The following LPAR1 variants were observed in gnomAD, a reference collection of about 807,000 sequenced individuals.
LPAR1 encodes LPA receptor 1.
LPAR1 carries 5 observed loss-of-function variants against 23.8 expected under a neutral mutation model. The ratio of observed to expected loss-of-function variants is 0.21; its 90% CI spans 0.11 to 0.44. LPAR1 has a LOEUF of 0.44. Ranked by LOEUF, LPAR1 falls within the 20% of genes least tolerant of loss-of-function variation. The pLI, the probability that LPAR1 is intolerant of heterozygous loss-of-function variation, is 0.99. For synonymous variants in LPAR1, 160 were observed against 164.7 expected (o/e 0.97, Z 0.22); for missense variants, 311 against 482.8 (o/e 0.64, Z 3.33).
chr9:111,003,823 G>A (rs1489257230), intron 2 of LPAR1, among the ~76,000 whole-genome samples: 3 of 152,154 alleles, frequency 2.0e-5, no homozygotes, highest in Admixed American at 6.5e-5. Context: ...ACCTCCAGCT[G>A]TATCTCAGAT....
intron 4 of LPAR1, among the ~76,000 whole-genome samples, chr9:110,949,095 G>A (rs1309696752): frequency 2.6e-5 from 4 of 152,094 alleles, no homozygotes; most frequent in Non-Finnish European, 5.9e-5. Context: ...ACCCTCAGGA[G>A]AAGAAATTAA....
At chr9:110,963,832 A>T (rs990261900) in intron 4 of LPAR1, among the ~76,000 whole-genome samples, 3 of 152,206 alleles carry the variant, frequency 2.0e-5, no homozygotes, top group African/African-American at 4.8e-5. Context: ...TAGAGATTTT[A>T]AAAAATAAAG....
chr9:110,880,063 T>C (rs1368151347), intron 5 of LPAR1, among the ~76,000 whole-genome samples: 1 of 152,224 alleles, frequency 6.6e-6, no homozygotes, highest in Non-Finnish European at 1.5e-5. Context: ...ATTTGTGTCA[T>C]GGGAAACTGT....
intron 4 of LPAR1, among the ~76,000 whole-genome samples, chr9:110,954,296 T>C (rs2095663766): frequency 3.3e-5 from 5 of 152,010 alleles, no homozygotes; most frequent in African/African-American, 1.2e-4. Flanking sequence ...AAAAAAAGAA[T>C]GAACAAAGCC....
At chr9:111,023,738 T>G (rs1195500975) in intron 2 of LPAR1, among the ~76,000 whole-genome samples, 1 of 152,170 alleles carries the variant, frequency 6.6e-6, no homozygotes. Context: ...TAGATAAGTG[T>G]TTTCAAAATG....
At position 110,942,025 on chromosome 9, in the gene LPAR1, G is replaced by C; in HGVS notation, c.189C>G (p.Ile63Met). ...MGLGITVCIF[I>M]MLANLLVMVA... ...CCATGACCAATAGGTTGGCCAACAT[G>C]ATGAAGATACAAACAGTGATTCCAA... The change falls in exon 5 of 6, where the codon ATC becomes ATG. Residue 63 changes from isoleucine to methionine, a missense_variant. Ile to Met is a conservative substitution (Grantham distance 10). This residue lies in a region of LPAR1 where 250 missense variants were observed against 427.2 expected (regional missense o/e 0.59). Coordinates refer to ENST00000683809, the MANE Select transcript of LPAR1 (RefSeq NM_001351411.2). 2.5e-6 allele frequency: 4 copies of C among 1,614,178 alleles called. No individual in the cohort carries two copies. Among genetic ancestry groups the C allele is most frequent in the Non-Finnish European group, 3.4e-6 (4 of 1,180,022 alleles).
chr9:111,016,847 T>A (rs1410418324), intron 2 of LPAR1, among the ~76,000 whole-genome samples: 1 of 152,258 alleles, frequency 6.6e-6, no homozygotes, highest in Admixed American at 6.5e-5. Context: ...TCTTACAGAA[T>A]GGCTTTTCTG....
intron 2 of LPAR1, among the ~76,000 whole-genome samples, chr9:111,005,530 G>A (rs1219241127): frequency 8.5e-5 from 10 of 117,058 alleles, no homozygotes; most frequent in African/African-American, 3.5e-4. Context: ...CCTGAGCAAC[G>A]AGTGAGACCC....
intron 2 of LPAR1, among the ~76,000 whole-genome samples, chr9:111,034,697 A>G (rs1861157): frequency 0.86 from 130,277 of 152,134 alleles, 56,035 homozygotes; most frequent in East Asian, 0.94. Context: ...CCAGTCCTCC[A>G]TCCATCATCG....
chr9:110,985,393 C>G (rs1387259029), intron 2 of LPAR1, among the ~76,000 whole-genome samples: 1 of 146,224 alleles, frequency 6.8e-6, no homozygotes, highest in Non-Finnish European at 1.5e-5. Context: ...TCAATTAGAT[C>G]TTTTATTTTC....
chr9:111,009,370 A>AT (rs1278464582), intron 2 of LPAR1, among the ~76,000 whole-genome samples: 1 of 152,082 alleles, frequency 6.6e-6, no homozygotes, highest in African/African-American at 2.4e-5. Context: ...CAGGAATGAG[A>AT]TTTAAAAAAA....
intron 2 of LPAR1, among the ~76,000 whole-genome samples, chr9:111,005,239 A>C (rs1218100814): frequency 6.6e-6 from 1 of 150,974 alleles, no homozygotes; most frequent in African/African-American, 2.4e-5. Context: ...TCCTGCAATG[A>C]TCTAACAAAA....
At chr9:110,919,369 C>T (rs2093448948) in intron 5 of LPAR1, among the ~76,000 whole-genome samples, 1 of 152,100 alleles carries the variant, frequency 6.6e-6, no homozygotes, top group African/African-American at 2.4e-5. Context: ...CCTAGTCGAG[C>T]CTCCACATGA....
rs12002216 is a variant in LPAR1, at chr9:110,967,660, G to C, written c.45+4413C>G. The stretch of plus-strand genomic sequence containing the variant: ...CCAGGCTAAGGTGACTGAGTGAGCT[G>C]CTTATTATGCTTGCCTAAGAAGATG... On this transcript the variant is annotated intron_variant, in intron 4 of 5. Coordinates refer to ENST00000683809, the MANE Select transcript of LPAR1 (RefSeq NM_001351411.2). Among the ~76,000 whole-genome samples the C allele has an allele frequency of 8.2e-3, 1,251 of 152,294 alleles. 14 individuals carry two copies. The highest frequency in any genetic ancestry group is 0.029 in the African/African-American group (1,188 of 41,544).
intron 5 of LPAR1, among the ~76,000 whole-genome samples, chr9:110,885,359 A>G (rs1466998692): frequency 1.3e-5 from 2 of 152,212 alleles, no homozygotes; most frequent in Non-Finnish European, 2.9e-5. Context: ...AACTGCCACC[A>G]AAGTCAGCTT....
intron 2 of LPAR1, among the ~76,000 whole-genome samples, chr9:110,982,428 A>G (rs927335456): frequency 6.6e-6 from 1 of 152,082 alleles, no homozygotes; most frequent in Non-Finnish European, 1.5e-5. Context: ...TTGAACAATA[A>G]GAACACATGG....
At chr9:110,971,871 T>G (rs1260284156) in intron 4 of LPAR1, among the ~76,000 whole-genome samples, 2 of 152,124 alleles carry the variant, frequency 1.3e-5, no homozygotes, top group African/African-American at 2.4e-5. Flanking sequence ...GCCAGTTCAC[T>G]AAAATCACTT....
intron 5 of LPAR1, among the ~76,000 whole-genome samples, chr9:110,902,028 C>G (rs976251438): frequency 6.6e-6 from 1 of 152,012 alleles, no homozygotes; most frequent in Non-Finnish European, 1.5e-5. Context: ...CAAAAGGAAG[C>G]CAGAGAACTC....
chr9:110,912,312 G>T (rs185349193), intron 5 of LPAR1, among the ~76,000 whole-genome samples: 112 of 152,238 alleles, frequency 7.4e-4, no homozygotes, highest in South Asian at 2.1e-3. Context: ...CTTGAACATT[G>T]CCAGGAATCT....
Sources: gnomAD v4.1 joint callset for allele counts (sites outside exome capture counted in the v4.1 genomes callset) on GRCh38, gnomAD v4.1.1 for gene constraint, gnomAD v4.1.1 regional missense constraint, MANE v1.5 for transcripts, NCBI Gene and HGNC (gene_info 2026-07-23, HGNC 2026-07-21) for gene names.